Variants in SLC35F3 observed in about 807,000 individuals in gnomAD.
SLC35F3 encodes putative thiamine transporter SLC35F3.
SLC35F3 carries 25 observed loss-of-function variants against 49.9 expected under a neutral mutation model. That is an observed-to-expected ratio of 0.50 (90% CI 0.37 to 0.70). The LOEUF is 0.70. Ranked by LOEUF, SLC35F3 falls within the 30% of genes least tolerant of loss-of-function variation. SLC35F3 has a pLI of 0.00. For synonymous variants in SLC35F3, 275 were observed against 265.4 expected (o/e 1.04, Z -0.35); for missense variants, 525 against 639.8 (o/e 0.82, Z 1.94).
chr1:234,269,481 C>T (rs147851832), intron 3 of SLC35F3, among the ~76,000 whole-genome samples: 3 of 152,292 alleles, frequency 2.0e-5, no homozygotes, highest in African/African-American at 7.2e-5. Flanking sequence ...CTTCCTGCAG[C>T]CCAGTGTGTC....
intron 2 of SLC35F3, among the ~76,000 whole-genome samples, chr1:234,130,353 ACT>A (rs1665715134): frequency 6.6e-6 from 1 of 151,976 alleles, no homozygotes; most frequent in Non-Finnish European, 1.5e-5. Context: ...TTTTTAAAAA[ACT>A]CTCGGCCGGG....
chr1:234,147,230 C>CTTTTTTTTTTTTTTTTTTTT (rs201359916), intron 2 of SLC35F3, among the ~76,000 whole-genome samples: 1 of 125,096 alleles, frequency 8.0e-6, no homozygotes, highest in Non-Finnish European at 1.7e-5. Flanking sequence ...TTTCTATTTT[C>CTTTTTTTTTTTTTTTTTTTT]TTTTTTTTTT....
Position 234,214,126 on chromosome 1 carries a change from G to A in SLC35F3, c.284-17291G>A. ...TCAGGACCTGGCTGGGAGGAAGACAGGGATGAGGGCTGCGGGGCTGGGCGT... is the reference window on the plus strand; with the variant it reads ...TCAGGACCTGGCTGGGAGGAAGACAAGGATGAGGGCTGCGGGGCTGGGCGT... On this transcript the variant is annotated intron_variant, in intron 2 of 7. Transcript: ENST00000366618. The surrounding 1 kb of genome is among the most constrained non-coding windows in gnomAD (Gnocchi z 8.0). 1 of 1,030,336 alleles carries A rather than the reference G, an allele frequency of 9.7e-7. No homozygotes were observed. Among genetic ancestry groups the A allele is most frequent in the African/African-American group, 1.7e-5 (1 of 58,940 alleles). The allele number at this position is 1,030,336 out of a possible 1,614,324, so 63.8% of individuals were successfully genotyped here. A position where few individuals can be genotyped will look rare whatever the true frequency, so the allele number is the denominator to read the frequency against.
chr1:233,921,923 C>G (rs925443465), intron 2 of SLC35F3, among the ~76,000 whole-genome samples: 7 of 151,644 alleles, frequency 4.6e-5, no homozygotes, highest in Admixed American at 2.0e-4. Context: ...ATAGTTTGCT[C>G]AGAATGATGG....
At chr1:234,053,894 A>G (rs1201788383) in intron 2 of SLC35F3, among the ~76,000 whole-genome samples, 2 of 152,072 alleles carry the variant, frequency 1.3e-5, no homozygotes, top group South Asian at 2.1e-4. Flanking sequence ...TTCTCCTTCA[A>G]TTATGAAGCT....
At chr1:234,227,153 G>T (rs1425692788) in intron 2 of SLC35F3, among the ~76,000 whole-genome samples, 1 of 152,188 alleles carries the variant, frequency 6.6e-6, no homozygotes, top group Admixed American at 6.6e-5. Context: ...TTGGGCCAGA[G>T]TGTATAATCT....
chr1:233,924,604 T>C (rs948064242), intron 2 of SLC35F3, among the ~76,000 whole-genome samples: 8 of 152,354 alleles, frequency 5.3e-5, no homozygotes, highest in Admixed American at 3.9e-4. Context: ...CATTGATTTT[T>C]TGAAGGGTTT....
At chr1:234,188,179 G>C (rs1355976329) in intron 2 of SLC35F3, among the ~76,000 whole-genome samples, 1 of 151,886 alleles carries the variant, frequency 6.6e-6, no homozygotes, top group Non-Finnish European at 1.5e-5. Flanking sequence ...GGAGGTTGCG[G>C]TGAGCCAAGA....
chr1:234,013,202 A>T (rs1663750825), intron 2 of SLC35F3, among the ~76,000 whole-genome samples: 1 of 152,228 alleles, frequency 6.6e-6, no homozygotes, highest in African/African-American at 2.4e-5. Context: ...TTTACAAAGG[A>T]GTAAAAATTA....
rs181653829 is a variant in SLC35F3 at position 234,296,323 on chromosome 1, A to G, written c.609-12778A>G. Among the ~76,000 whole-genome samples, 6 of 152,346 alleles carry G rather than the reference A, an allele frequency of 3.9e-5. No individual in the cohort carries two copies. The East Asian group carries it at 7.7e-4, about 20-fold the overall frequency. On this transcript the variant is annotated intron_variant, in intron 3 of 7. Transcript: ENST00000366618. ...TATGGGGTCTTTCTGCTTCAAAAAA[A>G]AAAACCTAGTGTGTAACCTCACTGG...
At chr1:234,026,286 C>G (rs1204134445) in intron 2 of SLC35F3, among the ~76,000 whole-genome samples, 1 of 152,070 alleles carries the variant, frequency 6.6e-6, no homozygotes. Context: ...TTGGGCTCTT[C>G]TTTGGTTCAG....
intron 2 of SLC35F3, among the ~76,000 whole-genome samples, chr1:234,170,532 A>G (rs1276851540): frequency 3.3e-5 from 5 of 151,676 alleles, no homozygotes; most frequent in Non-Finnish European, 1.5e-5. Flanking sequence ...ACCCGTTCCA[A>G]CCCAAGACAA....
rs545892154 is a variant in SLC35F3 at position 234,231,425 on chromosome 1, C to T, written c.292C>T (p.Arg98Cys). ...GCCCTTCTCTTCCCCAGGGGAGGAG[C>T]GCCCCCGGGACTCCCCGGGCCCGGC... is the stretch of plus-strand genomic sequence containing the variant. ...PWAASCKREE[R>C]PRDSPGPAEA... The change falls in exon 3 of 8, where the codon CGC (arginine) becomes TGC (cysteine). Residue 98 changes from arginine to cysteine, a missense_variant. Around this residue, in one of 4 missense-constraint regions of SLC35F3, gnomAD observed 228 missense variants for 218.9 expected, o/e 1.04. Coordinates refer to ENST00000366618, the MANE Select transcript of SLC35F3 (RefSeq NM_173508.4). The surrounding 1 kb of genome is among the most constrained non-coding windows in gnomAD (Gnocchi z 5.4). The T allele has an allele frequency of 6.4e-7, 1 of 1,555,954 alleles. No homozygotes were observed. Among genetic ancestry groups the T allele is most frequent in the Non-Finnish European group, 8.7e-7 (1 of 1,153,922 alleles).
chr1:234,034,205 T>C (rs1377624020), intron 2 of SLC35F3, among the ~76,000 whole-genome samples: 2 of 152,260 alleles, frequency 1.3e-5, no homozygotes, highest in African/African-American at 2.4e-5. Flanking sequence ...ACATTGACTT[T>C]GTATTCTGAA....
chr1:234,079,877 A>C (rs1664848946), intron 2 of SLC35F3, among the ~76,000 whole-genome samples: 1 of 152,248 alleles, frequency 6.6e-6, no homozygotes, highest in Admixed American at 6.5e-5. Context: ...TGATATAAAA[A>C]GACACAATAT....
chr1:233,971,459 G>A (rs1422514843), intron 2 of SLC35F3, among the ~76,000 whole-genome samples: 1 of 152,198 alleles, frequency 6.6e-6, no homozygotes, highest in Non-Finnish European at 1.5e-5. Flanking sequence ...CTCACGCACA[G>A]GCGTGAAATC....
intron 2 of SLC35F3, among the ~76,000 whole-genome samples, chr1:233,969,890 G>A (rs1662965674): frequency 6.6e-6 from 1 of 152,158 alleles, no homozygotes; most frequent in East Asian, 1.9e-4. Context: ...CTTCCCTCCA[G>A]GCAGGAGAAA....
intron 2 of SLC35F3, among the ~76,000 whole-genome samples, chr1:234,182,350 C>T (rs1666570815): frequency 6.6e-6 from 1 of 152,202 alleles, no homozygotes; most frequent in Non-Finnish European, 1.5e-5. Context: ...CCATCTTGCA[C>T]ATTTATTACT....
Position 234,113,749 on chromosome 1 carries a change from G to A in SLC35F3, c.284-117668G>A, listed in dbSNP as rs187852388. On this transcript the variant is annotated intron_variant, in intron 2 of 7. Coordinates refer to ENST00000366618, the MANE Select transcript of SLC35F3 (RefSeq NM_173508.4). Reference sequence around the variant, plus strand: ...ATGATGGCATGCGTCTGTAATCCCAGCTACTCGGGAGGCTGAGGCAGGAGA... The same window carrying A: ...ATGATGGCATGCGTCTGTAATCCCAACTACTCGGGAGGCTGAGGCAGGAGA... Among the ~76,000 whole-genome samples the A allele has an allele frequency of 2.0e-3, 305 of 152,326 alleles. 1 individual carries two copies. In the Middle Eastern group the frequency reaches 0.027, roughly 14 times the overall value.
Sources: allele counts gnomAD v4.1 joint callset (sites outside exome capture counted in the v4.1 genomes callset), GRCh38; gene constraint gnomAD v4.1.1; regional missense constraint gnomAD v4.1.1; non-coding constraint Gnocchi (gnomAD v3.1); transcripts MANE v1.5; gene names NCBI Gene and HGNC (gene_info 2026-07-23, HGNC 2026-07-21).